LAT2: variants seen among roughly 807,000 people sequenced by gnomAD.
LAT2 encodes linker for activation of T cells family member 2, also known as linker for activation of T-cells family member 2.
LAT2 carries 23 observed loss-of-function variants against 43.4 expected under a neutral mutation model. The ratio of observed to expected loss-of-function variants is 0.53; its 90% confidence interval spans 0.38 to 0.75. LAT2 has a LOEUF of 0.75. Among genes scored for constraint, LAT2 ranks in the 30% least tolerant of loss-of-function variants. LAT2 has a pLI of 0.00. For missense variants in LAT2, 284 were observed against 310.2 expected (o/e 0.92, Z 0.64); for synonymous variants, 128 against 123.2 (o/e 1.04, Z -0.26).
intron 13 of LAT2, chr7:74,225,047 G>GACAACCTCCCAGA: frequency 7.9e-6 from 2 of 253,050 alleles, no homozygotes; most frequent in South Asian, 1.0e-4. Flanking sequence ...TGGACCAAGT[G>GACAACCTCCCAGA]ACAACCTCCC....
intron 13 of LAT2, among the ~76,000 whole-genome samples, chr7:74,227,278 G>T (rs1184320575): frequency 6.6e-6 from 1 of 151,942 alleles, no homozygotes; most frequent in African/African-American, 2.4e-5. Context: ...CTGGAGTGCA[G>T]TGGCGTGATC....
intron 13 of LAT2, among the ~76,000 whole-genome samples, chr7:74,228,277 C>T (rs1464035152): frequency 1.4e-5 from 2 of 147,650 alleles, no homozygotes; most frequent in Non-Finnish European, 3.0e-5. Flanking sequence ...GAGATCGAGA[C>T]CATCCTGGCT....
At chr7:74,210,969 G>A (rs1409016087) in intron 1 of LAT2, among the ~76,000 whole-genome samples, 2 of 152,042 alleles carry the variant, frequency 1.3e-5, no homozygotes, top group Non-Finnish European at 2.9e-5. Flanking sequence ...GGTCTCGAGC[G>A]TCCTTCCAGG....
Position 74,220,713 on chromosome 7 carries a change from A to T in LAT2, c.311A>T (p.His104Leu). 1 of 1,607,488 alleles carries T rather than the reference A, an allele frequency of 6.2e-7. No individual in the cohort carries two copies. The highest frequency in any genetic ancestry group is 1.1e-5 in the South Asian group (1 of 90,914). Reference sequence around the variant, plus strand: ...TCGCCTCCTCCCGCAGGAAGCAGACACGGGTCGGAGGAAGCCTACATGTGA... The same window carrying T: ...TCGCCTCCTCCCGCAGGAAGCAGACTCGGGTCGGAGGAAGCCTACATGTGA... ...RYQNFSKGSR[H>L]GSEEAYIDPI... The change falls in exon 9 of 14, where the codon CAC (histidine) becomes CTC (leucine). Residue 104 changes from histidine to leucine, a missense_variant. By Grantham distance (99) the His-to-Leu change is moderately conservative (BLOSUM62 -3). Transcript: ENST00000460943. The surrounding 1 kb of genome is among the most constrained non-coding windows in gnomAD (Gnocchi z 4.5).
chr7:74,225,640 G>A (rs1373262443), intron 13 of LAT2: 3 of 152,496 alleles, frequency 2.0e-5, no homozygotes, highest in Non-Finnish European at 2.9e-5. Flanking sequence ...AGGGGAGGAG[G>A]AGATGGAATC....
rs1802414057 is a variant in LAT2 at position 74,224,563 on chromosome 7, G to A, written c.629-76G>A. Reference sequence around the variant, plus strand: ...CGCGGGCTGTTTTGTGGAGTCTGGGGGTCTGAGTCTGGGGGAGCAGTCATG... The same window carrying A: ...CGCGGGCTGTTTTGTGGAGTCTGGGAGTCTGAGTCTGGGGGAGCAGTCATG... On this transcript the variant is annotated intron_variant, in intron 12 of 13. Transcript: ENST00000460943. The A allele has an allele frequency of 5.5e-6, 7 of 1,276,730 alleles. No homozygotes were observed. The South Asian group carries it at 7.7e-5, about 14-fold the overall frequency. 79.1% of individuals were successfully genotyped at this position (1,276,730 alleles called of 1,614,324 possible). A position where few individuals can be genotyped will look rare whatever the true frequency, so the allele number is the denominator to read the frequency against.
intron 1 of LAT2, among the ~76,000 whole-genome samples, chr7:74,213,261 G>A (rs1018440691): frequency 2.6e-5 from 4 of 151,360 alleles, no homozygotes; most frequent in African/African-American, 7.3e-5. Context: ...GGGATTACAG[G>A]CGCCCACCAC....
chr7:74,227,348 T>A (rs1180252018), intron 13 of LAT2, among the ~76,000 whole-genome samples: 1 of 151,960 alleles, frequency 6.6e-6, no homozygotes, highest in Non-Finnish European at 1.5e-5. Context: ...GCCTCCCGAG[T>A]AGCTGGGATT....
chr7:74,220,763 C>A lies in LAT2; in HGVS notation c.332+29C>A, dbSNP rs1554715103. 3 of 1,499,462 alleles carry A rather than the reference C, an allele frequency of 2.0e-6. No homozygotes were observed. The highest frequency in any genetic ancestry group is 2.1e-5 in the Admixed American group (1 of 48,778). 92.9% of individuals were successfully genotyped at this position (1,499,462 alleles called of 1,614,324 possible). A position where few individuals can be genotyped will look rare whatever the true frequency, so the allele number is the denominator to read the frequency against. ...AGTGACCTTGATCCTGTCCCCCCTG[C>A]CTCGCCTCTCCCCCTGCCCCACCTC... On this transcript the variant is annotated intron_variant, in intron 9 of 13. Transcript: ENST00000460943. The surrounding 1 kb of genome is among the most constrained non-coding windows in gnomAD (Gnocchi z 4.5).
chr7:74,223,951 C>T, intron 11 of LAT2, 67 bp from the exon 12 acceptor site: 1 of 1,537,896 alleles, frequency 6.5e-7, no homozygotes, highest in Non-Finnish European at 8.9e-7. Flanking sequence ...TCCTCGGAGG[C>T]AGCTCTATTG....
chr7:74,216,757 CG>C (rs1422210507), intron 3 of LAT2, 67 bp from the exon 4 acceptor site: 7 of 1,348,804 alleles, frequency 5.2e-6, no homozygotes, highest in South Asian at 1.2e-5. Flanking sequence ...CAAGACATGG[CG>C]GGGGGTGTCT....
At chr7:74,225,219 T>C (rs145429508) in intron 13 of LAT2, 1 of 156,288 alleles carries the variant, frequency 6.4e-6, no homozygotes, top group South Asian at 1.9e-4. Flanking sequence ...ATGGTGAAAC[T>C]TCATCTCTAC....
Position 74,220,513 on chromosome 7 carries a change from GGCT to G in LAT2, c.266-68_266-66del. The G allele has an allele frequency of 6.3e-7, 1 of 1,593,442 alleles. No individual in the cohort carries two copies. The highest frequency in any genetic ancestry group is 8.6e-7 in the Non-Finnish European group (1 of 1,163,424). On this transcript the variant is annotated intron_variant, in intron 7 of 13. Transcript: ENST00000460943. This position sits in a 1 kb window ranked among gnomAD's most constrained non-coding sequence, Gnocchi z 4.5. The stretch of plus-strand genomic sequence containing the variant: ...ACGGGAAATAGCTGGCCCTGCCTTG[GGCT>G]GCAGCACCCGAGCTGGGTGCAAAGC...
rs1802394446 is a variant in LAT2, at chr7:74,224,122, G to C, written c.553G>C (p.Glu185Gln). The C allele has an allele frequency of 6.2e-7, 1 of 1,613,992 alleles. No individual in the cohort carries two copies. The highest frequency in any genetic ancestry group is 8.5e-7 in the Non-Finnish European group (1 of 1,180,012). The change falls in exon 12 of 14, where the codon GAA becomes CAA. Residue 185 changes from glutamate to glutamine, a missense_variant. Physicochemically the swap from Glu to Gln is conservative, Grantham distance 29. Transcript: ENST00000460943. ...TGGTCTCTGTCCCTCTGCCTCCCCG[G>C]AAGAAGATGAGGAATCTGAGGATTA... ...TSGLCPSASP[E>Q]EDEESEDYQN... is the part of the protein sequence containing the mutation.
At chr7:74,222,865 C>A (rs782269203) in intron 10 of LAT2, among the ~76,000 whole-genome samples, 1 of 152,130 alleles carries the variant, frequency 6.6e-6, no homozygotes, top group Non-Finnish European at 1.5e-5. Flanking sequence ...ATGAGCCACC[C>A]CGCCAGGCTG....
At position 74,220,759 on chromosome 7, in the gene LAT2, C is replaced by G. The variant is rs1033899020; in HGVS notation, c.332+25C>G. On this transcript the variant is annotated intron_variant, in intron 9 of 13. Transcript: ENST00000460943. The surrounding 1 kb of genome is among the most constrained non-coding windows in gnomAD (Gnocchi z 4.5). ...TGTGAGTGACCTTGATCCTGTCCCC[C>G]CTGCCTCGCCTCTCCCCCTGCCCCA... is the stretch of plus-strand genomic sequence containing the variant. 4.0e-6 allele frequency: 6 copies of G among 1,511,222 alleles called. No individual in the cohort carries two copies. Among genetic ancestry groups the G allele is most frequent in the East Asian group, 2.4e-5 (1 of 41,274 alleles). The allele number at this position is 1,511,222 out of a possible 1,614,324, so 93.6% of individuals were successfully genotyped here.
intron 13 of LAT2, among the ~76,000 whole-genome samples, chr7:74,227,404 G>C (rs1802532138): frequency 6.6e-6 from 1 of 151,910 alleles, no homozygotes; most frequent in African/African-American, 2.4e-5. Flanking sequence ...ATTTTTAGTA[G>C]AGATGGGGTT....
intron 13 of LAT2, 44 bp from the exon 14 acceptor site, chr7:74,228,900 G>C (rs544309146): frequency 6.6e-6 from 1 of 152,350 alleles, no homozygotes; most frequent in Admixed American, 6.5e-5. Context: ...ACAAAATACT[G>C]ATCAAGGCAA....
At chr7:74,227,777 C>T (rs181673805) in intron 13 of LAT2, among the ~76,000 whole-genome samples, 112 of 151,884 alleles carry the variant, frequency 7.4e-4, no homozygotes, top group Non-Finnish European at 1.3e-3. Flanking sequence ...GAGGTTGAGG[C>T]GGGAGGATAG....
Sources: gnomAD v4.1 joint callset for allele counts (sites outside exome capture counted in the v4.1 genomes callset) on GRCh38, gnomAD v4.1.1 for gene constraint, Gnocchi (gnomAD v3.1) non-coding constraint, MANE v1.5 for transcripts, NCBI Gene and HGNC (gene_info 2026-07-23, HGNC 2026-07-21) for gene names.